RHBDD1: variants seen among roughly 807,000 people sequenced by gnomAD.
RHBDD1 encodes rhomboid domain containing 1.
Under a neutral mutation model 36.3 loss-of-function variants are expected in RHBDD1, and 38 were observed. The ratio of observed to expected loss-of-function variants is 1.05; its 90% CI spans 0.81 to 1.37. RHBDD1 has a LOEUF of 1.37. Ranked by LOEUF, RHBDD1 falls within the 40% of genes most tolerant of loss-of-function variation. The probability of loss-of-function intolerance (pLI) is 0.00; values close to 1 mark genes in which losing one functional copy is unlikely to be tolerated. For synonymous variants in RHBDD1, 151 were observed against 136.5 expected (o/e 1.11, Z -0.74); for missense variants, 393 against 377.6 (o/e 1.04, Z -0.34).
chr2:226,804,738 G>A, the RHBDD1 span: 1 of 152,232 alleles, frequency 6.6e-6, no homozygotes, highest in Non-Finnish European at 1.5e-5. Context: ...GGTGGATGAG[G>A]TTGGAAGAAA....
chr2:226,859,082 A>G (rs1212536750), intron 3 of RHBDD1, among the ~76,000 whole-genome samples: 1 of 152,222 alleles, frequency 6.6e-6, no homozygotes, highest in Non-Finnish European at 1.5e-5. Flanking sequence ...TTAAAGATGA[A>G]TATGCCATAG....
At chr2:226,939,166 A>G (rs1377128175) in intron 8 of RHBDD1, among the ~76,000 whole-genome samples, 2 of 152,222 alleles carry the variant, frequency 1.3e-5, no homozygotes, top group Non-Finnish European at 2.9e-5. Context: ...ACCCACAGCC[A>G]ATATCATACT....
At chr2:226,830,256 C>G in the RHBDD1 span, among the ~76,000 whole-genome samples, 1 of 152,142 alleles carries the variant, frequency 6.6e-6, no homozygotes, top group Non-Finnish European at 1.5e-5. Context: ...TAAGAGACCC[C>G]AGAGAGCTAG....
At chr2:226,872,750 A>G (rs993604112) in intron 5 of RHBDD1, among the ~76,000 whole-genome samples, 9 of 152,206 alleles carry the variant, frequency 5.9e-5, no homozygotes, top group Admixed American at 2.0e-4. Flanking sequence ...CTTATGATGC[A>G]GTCCTCTTTA....
intron 5 of RHBDD1, among the ~76,000 whole-genome samples, chr2:226,883,571 A>G (rs915564471): frequency 6.6e-6 from 1 of 152,206 alleles, no homozygotes; most frequent in African/African-American, 2.4e-5. Flanking sequence ...ACCCAGGTTG[A>G]AACTAATTGG....
chr2:226,881,829 T>C (rs552805205), intron 5 of RHBDD1, among the ~76,000 whole-genome samples: 70 of 152,348 alleles, frequency 4.6e-4, no homozygotes, highest in Admixed American at 9.8e-4. Context: ...ATTTGTGAAA[T>C]GGGACATTTC....
intron 8 of RHBDD1, among the ~76,000 whole-genome samples, chr2:226,982,681 G>A (rs944507671): frequency 6.6e-6 from 1 of 152,164 alleles, no homozygotes; most frequent in Non-Finnish European, 1.5e-5. Context: ...CTCACTATTT[G>A]TGTCTCGGGA....
chr2:226,835,917 CAGCAGAGCGCGGGCGCGCACAACTA>C (rs1940898910), upstream of RHBDD1: 1 of 152,436 alleles, frequency 6.6e-6, no homozygotes, highest in Admixed American at 6.5e-5. Flanking sequence ...GGTCTGCAGA[CAGCAGAGCGCGGGCGCGCACAACTA>C]AGCATGCGCC....
At chr2:226,860,810 T>C (rs1943786396) in intron 3 of RHBDD1, among the ~76,000 whole-genome samples, 1 of 152,204 alleles carries the variant, frequency 6.6e-6, no homozygotes. Flanking sequence ...ACATTGGCTA[T>C]GGTTATATCT....
intron 5 of RHBDD1, among the ~76,000 whole-genome samples, chr2:226,906,180 A>G (rs1207983214): frequency 1.3e-5 from 2 of 152,218 alleles, no homozygotes; most frequent in African/African-American, 4.8e-5. Context: ...GCCCTAACGC[A>G]AACACTTTCA....
At chr2:226,977,717 C>A (rs1432986882) in intron 8 of RHBDD1, among the ~76,000 whole-genome samples, 2 of 152,140 alleles carry the variant, frequency 1.3e-5, no homozygotes, top group Non-Finnish European at 2.9e-5. Context: ...TATCAGGCTG[C>A]AAATATGTCA....
At chr2:226,947,096 C>T (rs557490506) in intron 8 of RHBDD1, among the ~76,000 whole-genome samples, 1 of 152,078 alleles carries the variant, frequency 6.6e-6, no homozygotes, top group East Asian at 1.9e-4. Flanking sequence ...TGCAGAAGCT[C>T]TTTAGTTTAA....
chr2:226,971,351 G>T (rs1193631977), intron 8 of RHBDD1, among the ~76,000 whole-genome samples: 1 of 152,226 alleles, frequency 6.6e-6, no homozygotes, highest in Non-Finnish European at 1.5e-5. Flanking sequence ...GGTGTCGAAG[G>T]ACGTCTGAAC....
At chr2:226,866,999 A>G (rs936686662) in intron 4 of RHBDD1, among the ~76,000 whole-genome samples, 187 bp from the exon 5 acceptor site, 1 of 152,204 alleles carries the variant, frequency 6.6e-6, no homozygotes, top group Non-Finnish European at 1.5e-5. Context: ...TAGAAACATC[A>G]AAGGAGTGAC....
chr2:226,912,829 A>G (rs1242413502), intron 7 of RHBDD1, among the ~76,000 whole-genome samples: 1 of 152,180 alleles, frequency 6.6e-6, no homozygotes, highest in African/African-American at 2.4e-5. Context: ...ACTGAGTTGT[A>G]CACTTTAAGT....
rs142177202 is a variant in RHBDD1 at position 226,988,455 on chromosome 2, T to C, written c.857-6976T>C. The C allele has an allele frequency of 8.8e-3, 13,570 of 1,549,016 alleles. 73 individuals are homozygous for C. The highest frequency in any genetic ancestry group is 0.011 in the Non-Finnish European group (12,220 of 1,146,518). On this transcript the variant is annotated intron_variant, in intron 8 of 8. Coordinates refer to ENST00000392062, the MANE Select transcript of RHBDD1 (RefSeq NM_001167608.3). ...GCCGCAGTTTGGACCTAAGGAATCCTTTGAGGCTGCAGGGTCCCTGTAGTG... is the reference window on the plus strand; with the variant it reads ...GCCGCAGTTTGGACCTAAGGAATCCCTTGAGGCTGCAGGGTCCCTGTAGTG...
chr2:226,898,238 A>G (rs1947291344), intron 5 of RHBDD1, among the ~76,000 whole-genome samples: 1 of 152,196 alleles, frequency 6.6e-6, no homozygotes, highest in South Asian at 2.1e-4. Flanking sequence ...AGCTCAGGGA[A>G]TTGTCTTATT....
the RHBDD1 span, among the ~76,000 whole-genome samples, chr2:226,811,405 G>A: frequency 3.9e-5 from 6 of 152,322 alleles, no homozygotes; most frequent in South Asian, 8.3e-4. Context: ...GGGTCCAAGC[G>A]ATTCTAGCGC....
intron 8 of RHBDD1, among the ~76,000 whole-genome samples, chr2:226,931,842 A>C (rs957876897): frequency 5.3e-5 from 8 of 151,224 alleles, no homozygotes; most frequent in Non-Finnish European, 1.2e-4. Flanking sequence ...TTTCTGCATG[A>C]ATTTCAGAAG....
Sources: allele counts gnomAD v4.1 joint callset (sites outside exome capture counted in the v4.1 genomes callset), GRCh38; gene constraint gnomAD v4.1.1; transcripts MANE v1.5; gene names NCBI Gene and HGNC (gene_info 2026-07-23, HGNC 2026-07-21).